SHB: variants seen among roughly 807,000 people sequenced by gnomAD.
SHB encodes the protein SH2 domain-containing adapter protein B.
A neutral mutation model predicts 52.3 loss-of-function variants in SHB; 20 were observed. The observed-to-expected ratio is 0.38, with a 90% CI of 0.27 to 0.56. The LOEUF is 0.56. Among genes scored for constraint, SHB ranks in the 20% least tolerant of loss-of-function variants. SHB has a pLI of 0.71. For synonymous variants in SHB, 397 were observed against 316.5 expected (o/e 1.25, Z -2.70); for missense variants, 825 against 723.3 (o/e 1.14, Z -1.61).
At chr9:38,065,389 A>T (rs982124559) in intron 1 of SHB, among the ~76,000 whole-genome samples, 1 of 152,194 alleles carries the variant, frequency 6.6e-6, no homozygotes, top group African/African-American at 2.4e-5. Context: ...GTTAAGGAGA[A>T]GCCACTGTTG....
At chr9:38,004,733 C>T (rs1587239736) in intron 2 of SHB, among the ~76,000 whole-genome samples, 1 of 152,160 alleles carries the variant, frequency 6.6e-6, no homozygotes, top group Non-Finnish European at 1.5e-5. Context: ...GCTGGGGGCA[C>T]GGGCACATGA....
chr9:37,981,204 T>C (rs1339950628), intron 2 of SHB, among the ~76,000 whole-genome samples: 1 of 152,236 alleles, frequency 6.6e-6, no homozygotes, highest in Non-Finnish European at 1.5e-5. Context: ...GGCTGCTTTG[T>C]CTACACTGAA....
intron 3 of SHB, among the ~76,000 whole-genome samples, chr9:37,964,914 G>A (rs1454196147): frequency 1.3e-5 from 2 of 152,184 alleles, no homozygotes; most frequent in Non-Finnish European, 2.9e-5. Context: ...GCTCCTTCCT[G>A]AGTTCCGGGC....
chr9:38,017,965 C>T (rs1821236507), intron 1 of SHB, among the ~76,000 whole-genome samples: 1 of 152,190 alleles, frequency 6.6e-6, no homozygotes, highest in African/African-American at 2.4e-5. Flanking sequence ...GGTTTTGTGT[C>T]TCAGAGTTCA....
intron 1 of SHB, among the ~76,000 whole-genome samples, chr9:38,066,414 TGCA>T (rs1387499785): frequency 4.7e-4 from 71 of 152,306 alleles, no homozygotes; most frequent in African/African-American, 1.5e-3. Context: ...GCTTCAGCCA[TGCA>T]TAAGACTGCA....
chr9:38,043,333 AC>A (rs1220744851), intron 1 of SHB, among the ~76,000 whole-genome samples: 1 of 152,196 alleles, frequency 6.6e-6, no homozygotes, highest in Non-Finnish European at 1.5e-5. Context: ...TGAACCAAAA[AC>A]AAAGACAAAA....
At chr9:38,026,051 C>A (rs1587250813) in intron 1 of SHB, among the ~76,000 whole-genome samples, 1 of 152,246 alleles carries the variant, frequency 6.6e-6, no homozygotes, top group Non-Finnish European at 1.5e-5. Flanking sequence ...GTCCCCCACC[C>A]CCTTCCCAAG....
intron 3 of SHB, among the ~76,000 whole-genome samples, chr9:37,958,461 A>T (rs1457623034): frequency 6.6e-6 from 1 of 152,214 alleles, no homozygotes; most frequent in Non-Finnish European, 1.5e-5. Context: ...TCCAGAAAGC[A>T]GCATGGAGGC....
chr9:37,937,997 G>T (rs1276916737), intron 5 of SHB, among the ~76,000 whole-genome samples: 1 of 152,204 alleles, frequency 6.6e-6, no homozygotes, highest in Non-Finnish European at 1.5e-5. Flanking sequence ...TTAACACTGG[G>T]ATTTTACCAC....
intron 2 of SHB, among the ~76,000 whole-genome samples, chr9:38,012,009 G>A (rs935040484): frequency 2.0e-5 from 3 of 152,146 alleles, no homozygotes; most frequent in African/African-American, 7.2e-5. Context: ...TCCTGCCGGT[G>A]ACACAAACTG....
At chr9:38,027,172 G>A (rs958630392) in intron 1 of SHB, among the ~76,000 whole-genome samples, 1 of 152,206 alleles carries the variant, frequency 6.6e-6, no homozygotes, top group African/African-American at 2.4e-5. Context: ...GTCCCAGCAA[G>A]GTGTGCTGGG....
intron 5 of SHB, among the ~76,000 whole-genome samples, chr9:37,923,773 G>A (rs889866994): frequency 6.6e-6 from 1 of 152,140 alleles, no homozygotes; most frequent in African/African-American, 2.4e-5. Context: ...CAAGCAGCCT[G>A]GGGGTCACCT....
chr9:37,998,165 GTTA>G (rs1820972524), intron 2 of SHB, among the ~76,000 whole-genome samples: 1 of 149,212 alleles, frequency 6.7e-6, no homozygotes, highest in Non-Finnish European at 1.5e-5. Flanking sequence ...TGAGCTCTGA[GTTA>G]CGATTCCAAG....
chr9:38,000,866 G>C (rs920609054), intron 2 of SHB, among the ~76,000 whole-genome samples: 1 of 152,224 alleles, frequency 6.6e-6, no homozygotes, highest in African/African-American at 2.4e-5. Context: ...TGCTGGCAGA[G>C]TGCTTTAGTC....
intron 1 of SHB, among the ~76,000 whole-genome samples, chr9:38,066,555 C>G (rs564539682): frequency 1.4e-4 from 21 of 152,320 alleles, no homozygotes; most frequent in Non-Finnish European, 2.5e-4. Context: ...TAGTCGTCAT[C>G]TAGGTGTGGC....
intron 2 of SHB, among the ~76,000 whole-genome samples, chr9:38,011,937 C>T (rs1821147050): frequency 6.6e-6 from 1 of 152,148 alleles, no homozygotes; most frequent in African/African-American, 2.4e-5. Flanking sequence ...AAGTGAGGCC[C>T]AGACAATTGG....
intron 2 of SHB, among the ~76,000 whole-genome samples, chr9:38,004,195 T>C (rs1050309441): frequency 6.6e-6 from 1 of 151,974 alleles, no homozygotes; most frequent in South Asian, 2.1e-4. Flanking sequence ...TAGGGAGGCT[T>C]AGGAGAGATG....
At chr9:38,033,586 G>C (rs548043747) in intron 1 of SHB, among the ~76,000 whole-genome samples, 152 of 152,294 alleles carry the variant, frequency 1.0e-3, no homozygotes, top group Non-Finnish European at 1.2e-3. Context: ...GGCTTGGAGA[G>C]GGTCCACCTG....
intron 1 of SHB, among the ~76,000 whole-genome samples, chr9:38,038,787 G>A (rs147193588): frequency 2.2e-4 from 34 of 152,256 alleles, no homozygotes; most frequent in East Asian, 1.7e-3. Context: ...GGCCCCGGGG[G>A]TGGGGCAGGG....
Sources: gnomAD v4.1 joint callset for allele counts (sites outside exome capture counted in the v4.1 genomes callset) on GRCh38, gnomAD v4.1.1 for gene constraint, MANE v1.5 for transcripts, NCBI Gene and HGNC (gene_info 2026-07-23, HGNC 2026-07-21) for gene names.